PEBP4: variants seen among roughly 807,000 people sequenced by gnomAD.
PEBP4 encodes the protein phosphatidylethanolamine binding protein 4.
In PEBP4, 22 loss-of-function variants were observed where a neutral mutation model predicts 23.9. The ratio of observed to expected loss-of-function variants is 0.92; its 90% CI spans 0.66 to 1.31. The LOEUF (loss-of-function observed/expected upper bound fraction) is 1.31, where lower values mean the gene tolerates loss of function less well. Among genes scored for constraint, PEBP4 ranks in the 40% most tolerant of loss-of-function variants. PEBP4 has a pLI of 0.00. For synonymous variants in PEBP4, 112 were observed against 99.3 expected, an observed-to-expected ratio of 1.13 and a Z score of -0.76; for missense variants, 324 against 281.7, an observed-to-expected ratio of 1.15 and a Z score of -1.07.
At chr8:22,718,612 C>T (rs1220392849) in intron 6 of PEBP4, among the ~76,000 whole-genome samples, 3 of 152,196 alleles carry the variant, frequency 2.0e-5, no homozygotes, top group Non-Finnish European at 4.4e-5. Flanking sequence ...GTTCTACCCG[C>T]TCGGCCAGGT....
intron 4 of PEBP4, among the ~76,000 whole-genome samples, chr8:22,773,851 G>C (rs549739735): frequency 6.6e-6 from 1 of 152,222 alleles, no homozygotes; most frequent in Non-Finnish European, 1.5e-5. Context: ...TTTCCATCTT[G>C]TTCCTCTACC....
intron 4 of PEBP4, chr8:22,758,204 G>A (rs531023416): frequency 6.6e-6 from 1 of 152,152 alleles, no homozygotes; most frequent in African/African-American, 2.4e-5. Context: ...TTTTGAAGCT[G>A]GTGGGTCACA....
chr8:22,938,697 A>G (rs1248861877), intron 1 of PEBP4, among the ~76,000 whole-genome samples: 1 of 152,022 alleles, frequency 6.6e-6, no homozygotes, highest in African/African-American at 2.4e-5. Flanking sequence ...TAAAGGTCAC[A>G]CTTCCCCCCC....
intron 4 of PEBP4, among the ~76,000 whole-genome samples, chr8:22,780,008 G>C (rs1805884247): frequency 6.6e-6 from 1 of 151,802 alleles, no homozygotes; most frequent in Non-Finnish European, 1.5e-5. Context: ...GAGTGCAGTG[G>C]CACGATCACG....
intron 4 of PEBP4, among the ~76,000 whole-genome samples, chr8:22,728,551 T>TTCCTTC (rs1563196278): frequency 5.3e-5 from 4 of 75,598 alleles, no homozygotes; most frequent in African/African-American, 1.9e-4. Context: ...TTCCTTTCTT[T>TTCCTTC]CTTTCTTTCT....
chr8:22,800,324 T>G (rs1806357260), intron 4 of PEBP4, among the ~76,000 whole-genome samples: 2 of 152,022 alleles, frequency 1.3e-5, no homozygotes, highest in Non-Finnish European at 2.9e-5. Flanking sequence ...ACACCTTGAT[T>G]CCGGTCCACA....
intron 1 of PEBP4, among the ~76,000 whole-genome samples, chr8:22,934,326 A>G (rs1245595609): frequency 6.6e-6 from 1 of 152,266 alleles, no homozygotes; most frequent in Non-Finnish European, 1.5e-5. Flanking sequence ...ACGGAGCTGT[A>G]TAAGTAAAAT....
At chr8:22,783,123 C>T (rs1805960878) in intron 4 of PEBP4, among the ~76,000 whole-genome samples, 2 of 152,208 alleles carry the variant, frequency 1.3e-5, no homozygotes, top group South Asian at 4.1e-4. Context: ...CCAGGTCTTG[C>T]ACTTCCCTGG....
intron 6 of PEBP4, among the ~76,000 whole-genome samples, chr8:22,720,579 C>T (rs945578958): frequency 6.6e-6 from 1 of 152,190 alleles, no homozygotes; most frequent in Non-Finnish European, 1.5e-5. Flanking sequence ...GGAGACAGCC[C>T]AGCATGTCAC....
At chr8:22,912,645 ATC>A (rs780095310) in intron 3 of PEBP4, among the ~76,000 whole-genome samples, 2 of 152,192 alleles carry the variant, frequency 1.3e-5, no homozygotes, top group Non-Finnish European at 2.9e-5. Flanking sequence ...TGCTAGGAGG[ATC>A]TGTCCTGTGA....
In PEBP4 at chr8:22,865,351, C is replaced by T. The variant is rs1293113007; in HGVS notation, c.259-47616G>A. ...CCCCTGCGGCGTCTCCCGCTGCCCACCCACGGGCGGTGACGGTGGCGGTGG... is the reference window on the plus strand; with the variant it reads ...CCCCTGCGGCGTCTCCCGCTGCCCATCCACGGGCGGTGACGGTGGCGGTGG... On this transcript the variant is annotated intron_variant, in intron 3 of 6. Coordinates refer to ENST00000256404, the MANE Select transcript of PEBP4 (RefSeq NM_144962.3). This position sits in a 1 kb window ranked among gnomAD's most constrained non-coding sequence, Gnocchi z 6.9. 8.3e-6 allele frequency among the ~76,000 whole-genome samples: 1 copy of T among 119,848 alleles called. No individual in the cohort carries two copies. Among genetic ancestry groups the T allele is most frequent in the Admixed American group, 8.5e-5 (1 of 11,716 alleles). 78.6% of individuals were successfully genotyped at this position (119,848 alleles called of 152,430 possible). A position where few individuals can be genotyped will look rare whatever the true frequency, so the allele number is the denominator to read the frequency against.
intron 3 of PEBP4, among the ~76,000 whole-genome samples, chr8:22,850,373 T>A (rs531571412): frequency 6.6e-6 from 1 of 152,230 alleles, no homozygotes; most frequent in South Asian, 2.1e-4. Flanking sequence ...GGGAAGGGAC[T>A]GAAGAGGGAC....
At chr8:22,789,593 AG>A (rs1448311321) in intron 4 of PEBP4, among the ~76,000 whole-genome samples, 1 of 152,168 alleles carries the variant, frequency 6.6e-6, no homozygotes, top group Non-Finnish European at 1.5e-5. Context: ...TCTAGGCCAC[AG>A]GAAAGTACCT....
intron 3 of PEBP4, among the ~76,000 whole-genome samples, chr8:22,893,873 A>G (rs1396168028): frequency 6.6e-6 from 1 of 152,176 alleles, no homozygotes; most frequent in Non-Finnish European, 1.5e-5. Flanking sequence ...TTTAGGGAAT[A>G]TTAGAAAAAA....
At chr8:22,713,788 T>C (rs1804357566) in intron 6 of PEBP4, among the ~76,000 whole-genome samples, 1 of 152,184 alleles carries the variant, frequency 6.6e-6, no homozygotes, top group South Asian at 2.1e-4. Context: ...CCAGCCCCAG[T>C]TGAGAATGTC....
chr8:22,940,631 G>A (rs1809599965), intron 1 of PEBP4, among the ~76,000 whole-genome samples: 1 of 152,046 alleles, frequency 6.6e-6, no homozygotes, highest in South Asian at 2.1e-4. Context: ...TGGGACTACA[G>A]GTGACCACCA....
intron 4 of PEBP4, among the ~76,000 whole-genome samples, chr8:22,806,138 T>C (rs1365419173): frequency 6.6e-6 from 1 of 152,238 alleles, no homozygotes; most frequent in Admixed American, 6.5e-5. Flanking sequence ...TTCCCCCTTC[T>C]GTATGTGTGC....
rs563119893 is a variant in PEBP4, at chr8:22,815,731, CCACCTGT to C, written c.357+1899_357+1905del. Among the ~76,000 whole-genome samples, 492 of 152,352 alleles carry C rather than the reference CCACCTGT, an allele frequency of 3.2e-3. 1 individual carries two copies. Among genetic ancestry groups the C allele is most frequent in the Middle Eastern group, 0.01 (3 of 294 alleles). ...GCTTAGCAGCCTTGCCGGACAGCTG[CCACCTGT>C]CACCTGCCACCTGTTCTACTTCTAA... On this transcript the variant is annotated intron_variant, in intron 4 of 6. Coordinates refer to ENST00000256404, the MANE Select transcript of PEBP4 (RefSeq NM_144962.3).
chr8:22,893,513 C>A (rs535963157), intron 3 of PEBP4, among the ~76,000 whole-genome samples: 1 of 152,198 alleles, frequency 6.6e-6, no homozygotes, highest in Admixed American at 6.5e-5. Flanking sequence ...AATTAGTACA[C>A]AAATATATTA....
Sources: allele counts gnomAD v4.1 joint callset (sites outside exome capture counted in the v4.1 genomes callset), GRCh38; gene constraint gnomAD v4.1.1; non-coding constraint Gnocchi (gnomAD v3.1); transcripts MANE v1.5; gene names NCBI Gene and HGNC (gene_info 2026-07-23, HGNC 2026-07-21).